PDE8B: variants seen among roughly 807,000 people sequenced by gnomAD.
The protein encoded by PDE8B is phosphodiesterase 8B, also known as high affinity cAMP-specific and IBMX-insensitive 3',5'-cyclic phosphodiesterase 8B.
PDE8B carries 26 observed loss-of-function variants against 101.3 expected under a neutral mutation model. That is an observed-to-expected ratio of 0.26 (90% confidence interval 0.19 to 0.36). The LOEUF is 0.36. Among genes scored for constraint, PDE8B ranks in the 10% least tolerant of loss-of-function variants. The pLI, the probability that PDE8B is intolerant of heterozygous loss-of-function variation, is 1.00. For synonymous variants in PDE8B, 424 were observed against 429.3 expected (o/e 0.99, Z 0.15); for missense variants, 810 against 1,163.1 (o/e 0.70, Z 4.42).
At chr5:77,283,559 G>A (rs754096597) in intron 1 of PDE8B, among the ~76,000 whole-genome samples, 8 of 152,140 alleles carry the variant, frequency 5.3e-5, no homozygotes, top group Non-Finnish European at 5.9e-5. Context: ...TTTCCAGAAT[G>A]TTATATGGTT....
chr5:77,175,708 G>T, the PDE8B span, among the ~76,000 whole-genome samples: 2 of 152,126 alleles, frequency 1.3e-5, no homozygotes, highest in African/African-American at 4.8e-5. Context: ...TCTATCCTCA[G>T]CACCTAAAAT....
intron 10 of PDE8B, among the ~76,000 whole-genome samples, chr5:77,364,381 C>T (rs1398034809): frequency 6.6e-6 from 1 of 152,140 alleles, no homozygotes; most frequent in African/African-American, 2.4e-5. Flanking sequence ...TAGACTCAAG[C>T]GTCTGGATCT....
At chr5:77,394,590 T>C (rs1790626408) in intron 10 of PDE8B, among the ~76,000 whole-genome samples, 1 of 152,210 alleles carries the variant, frequency 6.6e-6, no homozygotes, top group Non-Finnish European at 1.5e-5. Flanking sequence ...ATCCAATTAA[T>C]ATTGCTCAAA....
chr5:77,100,084 A>G, the PDE8B span, among the ~76,000 whole-genome samples: 1 of 152,204 alleles, frequency 6.6e-6, no homozygotes, highest in Non-Finnish European at 1.5e-5. Context: ...CCTTTTCAGG[A>G]TTCATTACTC....
intron 20 of PDE8B, among the ~76,000 whole-genome samples, chr5:77,423,261 A>G (rs1009945725): frequency 1.3e-5 from 2 of 152,180 alleles, no homozygotes; most frequent in South Asian, 2.1e-4. Context: ...CAGTCCACCA[A>G]TGATGGGCAC....
intron 14 of PDE8B, among the ~76,000 whole-genome samples, chr5:77,411,309 C>G (rs973296264): frequency 6.6e-6 from 1 of 152,202 alleles, no homozygotes; most frequent in Admixed American, 6.5e-5. Flanking sequence ...CACAGTCCCT[C>G]TGAGGGTGAG....
intron 1 of PDE8B, among the ~76,000 whole-genome samples, chr5:77,227,807 C>G (rs753147616): frequency 1.3e-5 from 2 of 152,144 alleles, no homozygotes; most frequent in Non-Finnish European, 2.9e-5. Context: ...GCATCAAGCA[C>G]CTGCATTAGA....
chr5:77,263,977 A>G (rs1761152267), intron 1 of PDE8B, among the ~76,000 whole-genome samples: 1 of 152,058 alleles, frequency 6.6e-6, no homozygotes, highest in South Asian at 2.1e-4. Flanking sequence ...ACACAAACCT[A>G]CTTTCTATCT....
the PDE8B span, among the ~76,000 whole-genome samples, chr5:77,156,589 T>C: frequency 2.0e-5 from 3 of 152,294 alleles, no homozygotes; most frequent in South Asian, 6.2e-4. Flanking sequence ...TCTTACCCTG[T>C]GGAACTCCAC....
At chr5:77,265,893 T>C (rs1381812495) in intron 1 of PDE8B, among the ~76,000 whole-genome samples, 2 of 151,700 alleles carry the variant, frequency 1.3e-5, no homozygotes, top group Admixed American at 6.6e-5. Context: ...AGATGCAGAA[T>C]AGTTCCTTCA....
intron 1 of PDE8B, among the ~76,000 whole-genome samples, chr5:77,243,541 G>C (rs1021542772): frequency 6.6e-6 from 1 of 152,094 alleles, no homozygotes; most frequent in Non-Finnish European, 1.5e-5. Context: ...GACAACCACA[G>C]ATCCTCTTTC....
chr5:77,252,702 T>A (rs1758315500), intron 1 of PDE8B, among the ~76,000 whole-genome samples: 1 of 152,196 alleles, frequency 6.6e-6, no homozygotes. Flanking sequence ...TTATTTGATT[T>A]GGAAAGGGGT....
At chr5:77,398,468 G>A (rs1383507359) in intron 10 of PDE8B, among the ~76,000 whole-genome samples, 7 of 151,760 alleles carry the variant, frequency 4.6e-5, no homozygotes, top group African/African-American at 7.3e-5. Flanking sequence ...GACTACAGGC[G>A]CCCGCCACCC....
intron 1 of PDE8B, among the ~76,000 whole-genome samples, chr5:77,270,181 C>T (rs1762517765): frequency 6.6e-6 from 1 of 152,054 alleles, no homozygotes; most frequent in South Asian, 2.1e-4. Context: ...TTGTAGAGAT[C>T]TTTCACTTAT....
At chr5:77,291,360 A>G (rs879131248) in intron 1 of PDE8B, 3 of 1,612,050 alleles carry the variant, frequency 1.9e-6, no homozygotes, top group South Asian at 1.1e-5. Context: ...GAAAGAAGGT[A>G]GCACAGTGGT....
Position 77,415,743 on chromosome 5 carries a change from G to T in PDE8B, c.1911+2434G>T, listed in dbSNP as rs929637505. On this transcript the variant is annotated intron_variant, in intron 17 of 21. Transcript: ENST00000264917. ...ATGCCCAGAGCTAACAGCCCCTTCA[G>T]TTGGTGACAGACCCCATCCTCTCCC... Among the ~76,000 whole-genome samples the T allele has an allele frequency of 2.1e-4, 32 of 152,182 alleles. 1 individual carries two copies. Among genetic ancestry groups the T allele is most frequent in the Admixed American group, 1.3e-4 (2 of 15,280 alleles).
At chr5:77,411,850 C>A in intron 15 of PDE8B, 129 bp downstream of exon 15, 2 of 799,624 alleles carry the variant, frequency 2.5e-6, no homozygotes, top group Non-Finnish European at 4.3e-6. Context: ...TCAATATGGT[C>A]TACATTTAAA....
At chr5:77,197,992 C>T in the PDE8B span, among the ~76,000 whole-genome samples, 5 of 151,972 alleles carry the variant, frequency 3.3e-5, no homozygotes, top group Non-Finnish European at 7.4e-5. Context: ...TTATTAGTCA[C>T]ATTTTCCTGC....
intron 10 of PDE8B, among the ~76,000 whole-genome samples, chr5:77,368,795 A>G (rs2150648164): frequency 6.6e-6 from 1 of 152,362 alleles, no homozygotes; most frequent in East Asian, 1.9e-4. Context: ...CACAGAAGGA[A>G]TAAGACAGCC....
Sources: allele counts gnomAD v4.1 joint callset (sites outside exome capture counted in the v4.1 genomes callset), GRCh38; gene constraint gnomAD v4.1.1; transcripts MANE v1.5; gene names NCBI Gene and HGNC (gene_info 2026-07-23, HGNC 2026-07-21).